Variants in TMEM116 observed in about 807,000 individuals in gnomAD.
The protein encoded by TMEM116 is transmembrane protein 116.
In TMEM116, 38 loss-of-function variants were observed where a neutral mutation model predicts 44.3. That is an observed-to-expected ratio of 0.86 (90% confidence interval 0.66 to 1.12). TMEM116 has a LOEUF of 1.12. Ranked by LOEUF, TMEM116 falls within the 50% of genes most tolerant of loss-of-function variation. TMEM116 has a pLI of 0.00. For synonymous variants in TMEM116, 132 were observed against 144.8 expected (o/e 0.91, Z 0.64); for missense variants, 354 against 401.7 (o/e 0.88, Z 1.01).
intron 3 of TMEM116, among the ~76,000 whole-genome samples, chr12:111,998,674 A>T (rs2077058673): frequency 6.6e-6 from 1 of 152,164 alleles, no homozygotes. Context: ...CAAAAAAATT[A>T]GCCAGGCATG....
intron 5 of TMEM116, among the ~76,000 whole-genome samples, chr12:111,938,973 T>C (rs529859795): frequency 1.3e-5 from 2 of 152,304 alleles, no homozygotes; most frequent in South Asian, 4.2e-4. Context: ...TATTGGTAAT[T>C]AATTTGCCCC....
chr12:111,936,527 A>G (rs560924557), intron 8 of TMEM116, 165 bp downstream of exon 8: 2 of 664,356 alleles, frequency 3.0e-6, no homozygotes, highest in African/African-American at 1.8e-5. Flanking sequence ...GGGAAGTGCA[A>G]AAGTCTGAGG....
intron 2 of TMEM116, 21 bp from the exon 3 acceptor site, chr12:112,003,884 T>C (rs7313773): frequency 0.11 from 158,878 of 1,485,920 alleles, 9,916 homozygotes; most frequent in African/African-American, 0.25. Context: ...TAGAAGATGA[T>C]TGATCATTAA....
At chr12:111,992,532 G>A (rs1410890081) in intron 3 of TMEM116, among the ~76,000 whole-genome samples, 1 of 152,140 alleles carries the variant, frequency 6.6e-6, no homozygotes, top group Non-Finnish European at 1.5e-5. Context: ...GCCTCCCAAA[G>A]TGCTGGGATC....
chr12:111,932,739 T>C lies in TMEM116; in HGVS notation c.734-80A>G, dbSNP rs550517496. The C allele has an allele frequency of 7.2e-6, 8 of 1,108,074 alleles. No individual in the cohort carries two copies. In the African/African-American group the frequency reaches 7.7e-5, roughly 11 times the overall value. 68.6% of individuals were successfully genotyped at this position (1,108,074 alleles called of 1,614,324 possible). A position where few individuals can be genotyped will look rare whatever the true frequency, so the allele number is the denominator to read the frequency against. On this transcript the variant is annotated intron_variant, in intron 9 of 10. Transcript: ENST00000552374. Reference sequence around the variant, plus strand: ...AGGTTCCTCCACACACGTCTGAGCATTATCAGAATGGAAACAATAGGCATA... The same window carrying C: ...AGGTTCCTCCACACACGTCTGAGCACTATCAGAATGGAAACAATAGGCATA...
intron 4 of TMEM116, among the ~76,000 whole-genome samples, chr12:111,977,617 G>GA (rs1168549548): frequency 4.0e-5 from 6 of 151,262 alleles, no homozygotes; most frequent in South Asian, 4.2e-4. Context: ...TCTACATAAA[G>GA]AAAAAAAATC....
At chr12:112,010,917 G>C (rs989922204) in intron 1 of TMEM116, 19 of 152,218 alleles carry the variant, frequency 1.2e-4, no homozygotes, top group African/African-American at 4.6e-4. Context: ...TGGCAGCCTG[G>C]ACCCCTGTCT....
chr12:111,985,664 G>A (rs1042037077), intron 4 of TMEM116, among the ~76,000 whole-genome samples: 8 of 151,926 alleles, frequency 5.3e-5, no homozygotes, highest in South Asian at 2.1e-4. Context: ...CATGGCCCAC[G>A]GCAGCCTCAA....
At chr12:111,965,304 C>T (rs1226682789) in intron 4 of TMEM116, among the ~76,000 whole-genome samples, 4 of 152,168 alleles carry the variant, frequency 2.6e-5, no homozygotes, top group Non-Finnish European at 4.4e-5. Context: ...TTTTACTTTT[C>T]AGTTGTATAT....
At chr12:111,948,254 T>A (rs1443017650) in intron 4 of TMEM116, among the ~76,000 whole-genome samples, 1 of 152,136 alleles carries the variant, frequency 6.6e-6, no homozygotes, top group Admixed American at 6.6e-5. Context: ...ACCGTGCCCA[T>A]CCAGGAAAGA....
At chr12:111,991,617 T>C in intron 4 of TMEM116, 141 bp downstream of exon 4, 1 of 799,016 alleles carries the variant, frequency 1.3e-6, no homozygotes, top group Non-Finnish European at 1.8e-6. Context: ...GTTTTTAATA[T>C]GAAAAAAGAT....
At chr12:112,003,613 G>T in intron 3 of TMEM116, 187 bp downstream of exon 3, 1 of 648,044 alleles carries the variant, frequency 1.5e-6, no homozygotes, top group African/African-American at 1.9e-5. Context: ...CAAAGTTATA[G>T]CTAAAATAAT....
chr12:111,944,635 T>C (rs1357028614), intron 4 of TMEM116, among the ~76,000 whole-genome samples: 1 of 152,208 alleles, frequency 6.6e-6, no homozygotes, highest in Non-Finnish European at 1.5e-5. Flanking sequence ...GGAAGCTATA[T>C]GGTAAGACAA....
At chr12:111,970,754 T>A (rs982418470) in intron 4 of TMEM116, among the ~76,000 whole-genome samples, 2 of 151,704 alleles carry the variant, frequency 1.3e-5, no homozygotes, top group African/African-American at 2.4e-5. Context: ...GCCCAGCTAA[T>A]TTTTTTGTAT....
At chr12:111,998,839 G>C (rs2077067545) in intron 3 of TMEM116, among the ~76,000 whole-genome samples, 1 of 152,004 alleles carries the variant, frequency 6.6e-6, no homozygotes, top group South Asian at 2.1e-4. Context: ...GGGGGAAAGG[G>C]GGAAAGGAAA....
intron 4 of TMEM116, among the ~76,000 whole-genome samples, chr12:111,967,512 A>G (rs1018603093): frequency 6.6e-6 from 1 of 151,996 alleles, no homozygotes; most frequent in Non-Finnish European, 1.5e-5. Context: ...TAATTTAGAT[A>G]TATATTATAA....
At chr12:112,005,958 A>C in intron 1 of TMEM116, 1 of 985,886 alleles carries the variant, frequency 1.0e-6, no homozygotes, top group Non-Finnish European at 1.2e-6. Flanking sequence ...CCAAGTCCCA[A>C]CTGTCCTCCA....
intron 4 of TMEM116, among the ~76,000 whole-genome samples, chr12:111,979,836 T>A (rs1326215969): frequency 6.6e-6 from 1 of 152,164 alleles, no homozygotes; most frequent in Admixed American, 6.5e-5. Flanking sequence ...TATAAAAAAA[T>A]GTTCAACATT....
intron 4 of TMEM116, among the ~76,000 whole-genome samples, chr12:111,947,172 CTTTT>C (rs76012436): frequency 8.1e-6 from 1 of 123,870 alleles, no homozygotes. Context: ...CTTTTAAAGA[CTTTT>C]TTTTTTTTTT....
Sources: allele counts gnomAD v4.1 joint callset (sites outside exome capture counted in the v4.1 genomes callset), GRCh38; gene constraint gnomAD v4.1.1; transcripts MANE v1.5; gene names NCBI Gene and HGNC (gene_info 2026-07-23, HGNC 2026-07-21).